Variants in DPYD observed in about 807,000 individuals in gnomAD.
The protein encoded by DPYD is dihydropyrimidine dehydrogenase [NADP(+)].
A neutral mutation model predicts 116.2 loss-of-function variants in DPYD; 109 were observed. The ratio of observed to expected loss-of-function variants is 0.94; its 90% CI spans 0.80 to 1.10. DPYD has a LOEUF of 1.10. Ranked by LOEUF, DPYD falls within the 50% of genes least tolerant of loss-of-function variation. The pLI, the probability that DPYD is intolerant of heterozygous loss-of-function variation, is 0.00. For synonymous variants in DPYD, 440 were observed against 432.0 expected, an observed-to-expected ratio of 1.02 and a Z score of -0.23; for missense variants, 1,302 against 1,254.5, an observed-to-expected ratio of 1.04 and a Z score of -0.57.
intron 20 of DPYD, among the ~76,000 whole-genome samples, chr1:97,111,146 A>G (rs747168256): frequency 5.3e-5 from 8 of 152,098 alleles, no homozygotes; most frequent in Admixed American, 1.3e-4. Context: ...TCCAAGGCTC[A>G]ATTGCCTCAT....
chr1:97,853,130 C>G (rs1348629601), intron 2 of DPYD, among the ~76,000 whole-genome samples: 1 of 152,172 alleles, frequency 6.6e-6, no homozygotes, highest in Non-Finnish European at 1.5e-5. Flanking sequence ...CCCTCCTGCA[C>G]TAAACATTAT....
At chr1:97,081,157 AAT>A (rs1649123642) in intron 22 of DPYD, among the ~76,000 whole-genome samples, 1 of 152,078 alleles carries the variant, frequency 6.6e-6, no homozygotes, top group African/African-American at 2.4e-5. Context: ...TTTAAATTAA[AAT>A]ATGTCTGTCA....
chr1:97,173,053 T>C (rs1345345547), intron 20 of DPYD, among the ~76,000 whole-genome samples: 1 of 152,014 alleles, frequency 6.6e-6, no homozygotes, highest in Non-Finnish European at 1.5e-5. Context: ...GCACAATGTT[T>C]GTAATAAACA....
At chr1:97,416,345 T>C (rs1319492269) in intron 14 of DPYD, among the ~76,000 whole-genome samples, 1 of 152,204 alleles carries the variant, frequency 6.6e-6, no homozygotes, top group African/African-American at 2.4e-5. Context: ...GAGCTATAAT[T>C]TGGGATAGGT....
chr1:97,826,370 A>G (rs1410476518), intron 3 of DPYD, among the ~76,000 whole-genome samples: 1 of 151,426 alleles, frequency 6.6e-6, no homozygotes, highest in Non-Finnish European at 1.5e-5. Flanking sequence ...TGTTCCTTGT[A>G]TTTTCCTCAT....
intron 20 of DPYD, among the ~76,000 whole-genome samples, chr1:97,191,779 C>T (rs1331281483): frequency 6.6e-6 from 1 of 151,998 alleles, no homozygotes; most frequent in Non-Finnish European, 1.5e-5. Flanking sequence ...ATATTTACAT[C>T]GAATGATTGT....
At chr1:97,700,880 C>CA (rs1013744738) in intron 5 of DPYD, among the ~76,000 whole-genome samples, 14 of 149,640 alleles carry the variant, frequency 9.4e-5, no homozygotes, top group East Asian at 2.0e-4. Flanking sequence ...ACATATTTAG[C>CA]AAAAAAAATA....
At chr1:97,757,341 G>T (rs946339079) in intron 3 of DPYD, among the ~76,000 whole-genome samples, 1 of 152,104 alleles carries the variant, frequency 6.6e-6, no homozygotes, top group African/African-American at 2.4e-5. Context: ...GGAGACAGTG[G>T]AAGAGGCAGA....
intron 20 of DPYD, among the ~76,000 whole-genome samples, chr1:97,163,723 G>C (rs191067669): frequency 2.9e-4 from 44 of 152,246 alleles, no homozygotes; most frequent in Admixed American, 2.6e-3. Flanking sequence ...CCTTTCATAA[G>C]GGTGCTAATC....
chr1:97,459,215 A>G (rs1303597575), intron 13 of DPYD, among the ~76,000 whole-genome samples: 1 of 152,154 alleles, frequency 6.6e-6, no homozygotes, highest in Non-Finnish European at 1.5e-5. Flanking sequence ...TGGGGATGAT[A>G]TGATGATATA....
rs1429055075 is a variant in DPYD at position 97,077,955 on chromosome 1, A to G, written c.*1021T>C. The G allele has an allele frequency of 1.3e-5, 2 of 152,178 alleles. No homozygotes were observed. The highest frequency in any genetic ancestry group is 2.1e-4 in the South Asian group (1 of 4,832). The allele number at this position is 152,178 out of a possible 1,614,324, so 9.4% of individuals were successfully genotyped here. On this transcript the variant is annotated 3_prime_UTR_variant, in exon 23 of 23. Coordinates refer to ENST00000370192, the MANE Select transcript of DPYD (RefSeq NM_000110.4). ...GAGGAGATAAATGAGTTTATATGAC[A>G]CTATTTACTGATTATGAAAATAGAG...
At chr1:97,906,518 C>G (rs1319730934) in intron 1 of DPYD, among the ~76,000 whole-genome samples, 1 of 152,004 alleles carries the variant, frequency 6.6e-6, no homozygotes, top group Non-Finnish European at 1.5e-5. Context: ...ACAGCAAGTA[C>G]TTAAAAATTA....
chr1:97,117,723 T>G (rs1270001664), intron 20 of DPYD, among the ~76,000 whole-genome samples: 1 of 152,196 alleles, frequency 6.6e-6, no homozygotes, highest in African/African-American at 2.4e-5. Flanking sequence ...TTAAAGTTGG[T>G]CAAGGTTCAT....
chr1:97,651,412 C>T (rs773567377), intron 8 of DPYD, among the ~76,000 whole-genome samples: 3 of 152,096 alleles, frequency 2.0e-5, no homozygotes, highest in Non-Finnish European at 4.4e-5. Flanking sequence ...GGCACACATA[C>T]CTAAATCGGC....
At chr1:97,578,003 G>C (rs1032416307) in intron 10 of DPYD, among the ~76,000 whole-genome samples, 1 of 151,784 alleles carries the variant, frequency 6.6e-6, no homozygotes, top group Non-Finnish European at 1.5e-5. Flanking sequence ...CCGCCACCAT[G>C]CCTGGCTAAT....
At chr1:97,277,020 G>T (rs145563249) in intron 18 of DPYD, among the ~76,000 whole-genome samples, 6,185 of 152,226 alleles carry the variant, frequency 0.041, 158 homozygotes, top group Middle Eastern at 0.11. Flanking sequence ...GGAATACTAT[G>T]CAGCCATAAA....
At chr1:97,554,178 A>C (rs962307415) in intron 11 of DPYD, among the ~76,000 whole-genome samples, 10 of 152,128 alleles carry the variant, frequency 6.6e-5, no homozygotes, top group Non-Finnish European at 1.0e-4. Context: ...GGGACACATC[A>C]CTAGCAGATG....
chr1:97,119,522 T>C (rs1239695171), intron 20 of DPYD, among the ~76,000 whole-genome samples: 1 of 152,136 alleles, frequency 6.6e-6, no homozygotes, highest in African/African-American at 2.4e-5. Context: ...ACATGGGCCC[T>C]ATCATAGAAA....
chr1:97,159,747 T>C (rs1655751324), intron 20 of DPYD, among the ~76,000 whole-genome samples: 2 of 151,994 alleles, frequency 1.3e-5, no homozygotes, highest in Admixed American at 1.3e-4. Context: ...AATGGGAAAA[T>C]AACAAAAATT....
Sources: gnomAD v4.1 joint callset for allele counts (sites outside exome capture counted in the v4.1 genomes callset) on GRCh38, gnomAD v4.1.1 for gene constraint, MANE v1.5 for transcripts, NCBI Gene and HGNC (gene_info 2026-07-23, HGNC 2026-07-21) for gene names.